LRP1B: variants seen among roughly 807,000 people sequenced by gnomAD.
LRP1B encodes LDL receptor related protein 1B.
In LRP1B, 217 loss-of-function variants were observed where a neutral mutation model predicts 556.6. The ratio of observed to expected loss-of-function variants is 0.39; its 90% confidence interval spans 0.35 to 0.44. The LOEUF (loss-of-function observed/expected upper bound fraction) is 0.44, where lower values mean the gene tolerates loss of function less well. LRP1B is among the 20% of genes least tolerant of loss of function. LRP1B has a pLI of 1.00. For synonymous variants in LRP1B, 2,047 were observed against 1,865.8 expected, an observed-to-expected ratio of 1.10 and a Z score of -2.50; for missense variants, 5,053 against 5,620.8, an observed-to-expected ratio of 0.90 and a Z score of 3.23.
At chr2:141,734,990 C>T (rs1693410811) in intron 2 of LRP1B, among the ~76,000 whole-genome samples, 3 of 152,166 alleles carry the variant, frequency 2.0e-5, no homozygotes, top group Non-Finnish European at 2.9e-5. Flanking sequence ...AAATATGGTG[C>T]TTTCCCTCAA....
chr2:141,230,056 A>G (rs1275644790), intron 5 of LRP1B, among the ~76,000 whole-genome samples: 2 of 152,158 alleles, frequency 1.3e-5, no homozygotes, highest in East Asian at 3.9e-4. Context: ...AAACTTCAAT[A>G]CCATTTTTTT....
chr2:141,789,432 A>T (rs1287688916), intron 2 of LRP1B, among the ~76,000 whole-genome samples: 1 of 151,914 alleles, frequency 6.6e-6, no homozygotes, highest in East Asian at 1.9e-4. Flanking sequence ...AAAATAAGAG[A>T]AGTAGTTTTG....
chr2:140,501,791 A>G lies in LRP1B; in HGVS notation c.8746T>C (p.Cys2916Arg). The G allele has an allele frequency of 6.2e-7, 1 of 1,613,048 alleles. No individual in the cohort carries two copies. The highest frequency in any genetic ancestry group is 8.5e-7 in the Non-Finnish European group (1 of 1,179,318). ...SGGLCDNKDD[C>R]GDGSDERNCH... ...TTTCTCTCATCTGAACCATCGCCAC[A>G]GTCATCCTTATTGTCGCAAAGACCT... Residue 2916 changes from cysteine to arginine, a missense_variant, in exon 55 of 91, where the codon TGT becomes CGT. Cys to Arg is a radical substitution (Grantham distance 180). Coordinates refer to ENST00000389484, the MANE Select transcript of LRP1B (RefSeq NM_018557.3).
chr2:140,243,897 C>A (rs979473173), intron 87 of LRP1B, among the ~76,000 whole-genome samples: 3 of 151,414 alleles, frequency 2.0e-5, no homozygotes, highest in Non-Finnish European at 4.4e-5. Context: ...CTCCTGGCCT[C>A]ACTTTTCCTG....
chr2:141,736,258 A>G (rs1693465086), intron 2 of LRP1B, among the ~76,000 whole-genome samples: 1 of 152,156 alleles, frequency 6.6e-6, no homozygotes, highest in African/African-American at 2.4e-5. Flanking sequence ...AAGTGAATGA[A>G]GCTCCTGGAT....
intron 1 of LRP1B, among the ~76,000 whole-genome samples, chr2:142,055,074 G>A (rs967250982): frequency 6.6e-6 from 1 of 152,014 alleles, no homozygotes; most frequent in Non-Finnish European, 1.5e-5. Context: ...TGCGTATGTC[G>A]GTAACCATTC....
intron 2 of LRP1B, among the ~76,000 whole-genome samples, chr2:141,523,623 T>A (rs1410564470): frequency 6.6e-6 from 1 of 152,140 alleles, no homozygotes; most frequent in African/African-American, 2.4e-5. Flanking sequence ...ACAAATAATT[T>A]CAAAATTCCC....
At chr2:141,968,402 G>A (rs757272126) in intron 1 of LRP1B, among the ~76,000 whole-genome samples, 1 of 151,464 alleles carries the variant, frequency 6.6e-6, no homozygotes, top group South Asian at 2.1e-4. Flanking sequence ...AAATATTTGT[G>A]TATTTTTTTT....
At chr2:140,713,220 C>G (rs1328166574) in intron 37 of LRP1B, among the ~76,000 whole-genome samples, 1 of 152,062 alleles carries the variant, frequency 6.6e-6, no homozygotes, top group East Asian at 1.9e-4. Context: ...ATTAAATGAA[C>G]AGTATCATAC....
intron 20 of LRP1B, 63 bp from the exon 21 acceptor site, chr2:140,923,210 T>C: frequency 7.8e-7 from 1 of 1,276,500 alleles, no homozygotes; most frequent in Non-Finnish European, 1.1e-6. Context: ...ATTATGATTT[T>C]ACTTGTTGGT....
At chr2:140,714,094 C>A (rs1003793756) in intron 37 of LRP1B, among the ~76,000 whole-genome samples, 1 of 152,034 alleles carries the variant, frequency 6.6e-6, no homozygotes, top group African/African-American at 2.4e-5. Flanking sequence ...GAAATGTGTA[C>A]TTGTTTGAAT....
At chr2:141,892,362 C>T (rs577210282) in intron 1 of LRP1B, among the ~76,000 whole-genome samples, 94 of 151,770 alleles carry the variant, frequency 6.2e-4, no homozygotes, top group East Asian at 3.7e-3. Context: ...TAAAAATATA[C>T]GGATAGACCC....
At chr2:140,749,378 T>A (rs1018275929) in intron 35 of LRP1B, among the ~76,000 whole-genome samples, 1 of 66,126 alleles carries the variant, frequency 1.5e-5, no homozygotes, top group African/African-American at 5.7e-5. Context: ...TTTTAAACAT[T>A]TTTTTTTTAC....
At chr2:140,284,654 T>A (rs1344850931) in intron 84 of LRP1B, among the ~76,000 whole-genome samples, 1 of 151,618 alleles carries the variant, frequency 6.6e-6, no homozygotes, top group African/African-American at 2.4e-5. Flanking sequence ...TTCTTCCTTC[T>A]TTCAAGCTAC....
intron 2 of LRP1B, among the ~76,000 whole-genome samples, chr2:141,544,445 C>T (rs891956228): frequency 3.4e-5 from 5 of 146,714 alleles, no homozygotes; most frequent in Admixed American, 2.8e-4. Flanking sequence ...CCTCCTTCTC[C>T]TCCTCCTTCT....
chr2:141,107,367 G>T (rs1425367507), intron 7 of LRP1B, among the ~76,000 whole-genome samples: 3 of 152,114 alleles, frequency 2.0e-5, no homozygotes, highest in Non-Finnish European at 2.9e-5. Context: ...CTATATTTAG[G>T]CTGGGCACGG....
intron 1 of LRP1B, among the ~76,000 whole-genome samples, chr2:142,010,803 T>C (rs904647954): frequency 6.6e-6 from 1 of 152,088 alleles, no homozygotes; most frequent in Admixed American, 6.6e-5. Context: ...AATTTGTCAT[T>C]AGGCCCCAAC....
intron 6 of LRP1B, among the ~76,000 whole-genome samples, chr2:141,221,288 T>TAAA (rs3063857): frequency 7.6e-6 from 1 of 131,180 alleles, no homozygotes. Flanking sequence ...CCAACAAAGA[T>TAAA]AAAAAAAAAA....
chr2:140,873,040 A>AT (rs1317708960), intron 25 of LRP1B, among the ~76,000 whole-genome samples: 1 of 152,064 alleles, frequency 6.6e-6, no homozygotes, highest in Non-Finnish European at 1.5e-5. Context: ...CTAGTCAAAT[A>AT]TTTTTTCCAG....
Sources: allele counts gnomAD v4.1 joint callset (sites outside exome capture counted in the v4.1 genomes callset), GRCh38; gene constraint gnomAD v4.1.1; transcripts MANE v1.5; gene names NCBI Gene and HGNC (gene_info 2026-07-23, HGNC 2026-07-21).